Variants in AUTS2 observed in about 807,000 individuals in gnomAD.
AUTS2 encodes activator of transcription and developmental regulator AUTS2.
AUTS2 carries 17 observed loss-of-function variants against 112.4 expected under a neutral mutation model. That is an observed-to-expected ratio of 0.15 (90% confidence interval 0.10 to 0.23). The LOEUF is 0.23. Among genes scored for constraint, AUTS2 ranks in the 10% least tolerant of loss-of-function variants. The pLI, the probability that AUTS2 is intolerant of heterozygous loss-of-function variation, is 1.00. For missense variants in AUTS2, 1,510 were observed against 1,701.6 expected, an observed-to-expected ratio of 0.89 and a Z score of 1.98; for synonymous variants, 751 against 702.7, an observed-to-expected ratio of 1.07 and a Z score of -1.09.
chr7:69,725,204 A>C (rs1364182489), intron 1 of AUTS2, among the ~76,000 whole-genome samples: 1 of 152,130 alleles, frequency 6.6e-6, no homozygotes, highest in Non-Finnish European at 1.5e-5. Context: ...TTTATTTGAA[A>C]AATTAGCAGG....
At position 69,762,293 on chromosome 7, in the gene AUTS2, CTTTTTTTTTTTTTT is replaced by C. The variant is rs534032498; in HGVS notation, c.310-136975_310-136962del. On this transcript the variant is annotated intron_variant, in intron 1 of 18. Coordinates refer to ENST00000342771, the MANE Select transcript of AUTS2 (RefSeq NM_015570.4). Reference sequence around the variant, plus strand: ...TTCCCAAACATTTTAGCCAAGTTGTCTTTTTTTTTTTTTTTTTTTTTTTTTTTTTTTGAGATGGG... The same window carrying C: ...TTCCCAAACATTTTAGCCAAGTTGTCTTTTTTTTTTTTTTTTTGAGATGGG... Among the ~76,000 whole-genome samples the C allele has an allele frequency of 3.3e-3, 202 of 61,606 alleles. 2 individuals are homozygous for C. The highest frequency in any genetic ancestry group is 8.0e-3 in the Admixed American group (28 of 3,494). The allele number at this position is 61,606 out of a possible 152,430, so 40.4% of individuals were successfully genotyped here.
chr7:70,359,142 G>A (rs1792141671), intron 4 of AUTS2, among the ~76,000 whole-genome samples: 1 of 152,204 alleles, frequency 6.6e-6, no homozygotes, highest in African/African-American at 2.4e-5. Flanking sequence ...AATTAGGAAT[G>A]TTTTCAATTT....
chr7:70,561,667 A>C (rs1313568216), intron 5 of AUTS2, among the ~76,000 whole-genome samples: 1 of 152,128 alleles, frequency 6.6e-6, no homozygotes, highest in Non-Finnish European at 1.5e-5. Context: ...GCTTTACGTT[A>C]GGTTGATAAG....
Position 70,791,111 on chromosome 7 carries a change from T to G in AUTS2, c.*115T>G. 1 of 1,076,608 alleles carries G rather than the reference T, an allele frequency of 9.3e-7. No homozygotes were observed. Among genetic ancestry groups the G allele is most frequent in the Non-Finnish European group, 1.2e-6 (1 of 823,520 alleles). The allele number at this position is 1,076,608 out of a possible 1,614,324, so 66.7% of individuals were successfully genotyped here. A position where few individuals can be genotyped will look rare whatever the true frequency, so the allele number is the denominator to read the frequency against. The stretch of plus-strand genomic sequence containing the variant: ...AGACTGGGGGGGAAAGCCCCACCCC[T>G]TCCCCTTGTAAAAAATGTATAGACT... On this transcript the variant is annotated 3_prime_UTR_variant, in exon 19 of 19. Transcript: ENST00000342771.
intron 1 of AUTS2, among the ~76,000 whole-genome samples, chr7:69,837,356 A>G (rs1254416355): frequency 6.6e-6 from 1 of 152,054 alleles, no homozygotes; most frequent in East Asian, 1.9e-4. Context: ...ATGCTCAGAG[A>G]GGTTAATTTG....
chr7:70,310,129 A>G (rs929645107), intron 4 of AUTS2, among the ~76,000 whole-genome samples: 1 of 149,836 alleles, frequency 6.7e-6, no homozygotes, highest in African/African-American at 2.5e-5. Flanking sequence ...AAAACAAACT[A>G]AATCTTTTTT....
At chr7:69,612,936 T>C (rs1793125568) in intron 1 of AUTS2, among the ~76,000 whole-genome samples, 1 of 152,228 alleles carries the variant, frequency 6.6e-6, no homozygotes, top group South Asian at 2.1e-4. Flanking sequence ...AACAATTCCA[T>C]GAAAAGAAAT....
chr7:69,749,350 T>C (rs62457235), intron 1 of AUTS2, among the ~76,000 whole-genome samples: 1 of 152,174 alleles, frequency 6.6e-6, no homozygotes, highest in Non-Finnish European at 1.5e-5. Context: ...CCACAGTCAG[T>C]TTTAGAAAAT....
intron 1 of AUTS2, among the ~76,000 whole-genome samples, chr7:69,760,775 G>T (rs558246943): frequency 6.6e-6 from 1 of 152,136 alleles, no homozygotes; most frequent in Non-Finnish European, 1.5e-5. Flanking sequence ...AGCCGAGATC[G>T]TGCCACTGCA....
chr7:70,687,341 A>C (rs998099800), intron 5 of AUTS2, among the ~76,000 whole-genome samples: 1 of 152,240 alleles, frequency 6.6e-6, no homozygotes, highest in Admixed American at 6.5e-5. Flanking sequence ...AGATACCTAC[A>C]GCCAATTGGG....
chr7:70,170,958 A>G (rs1252965421), intron 4 of AUTS2, among the ~76,000 whole-genome samples: 1 of 152,170 alleles, frequency 6.6e-6, no homozygotes, highest in Non-Finnish European at 1.5e-5. Context: ...CACGTTGAAT[A>G]GATCTAAATG....
chr7:70,462,106 T>C (rs1431819874), intron 5 of AUTS2, among the ~76,000 whole-genome samples: 2 of 151,798 alleles, frequency 1.3e-5, no homozygotes, highest in Non-Finnish European at 2.9e-5. Flanking sequence ...ACAAAAATTA[T>C]CCAGGTGTGG....
At chr7:70,478,530 C>G (rs1303700087) in intron 5 of AUTS2, among the ~76,000 whole-genome samples, 1 of 152,128 alleles carries the variant, frequency 6.6e-6, no homozygotes, top group African/African-American at 2.4e-5. Flanking sequence ...AAGTAGTTCC[C>G]TCTCTCTCTT....
At chr7:69,717,232 C>T (rs1261154822) in intron 1 of AUTS2, among the ~76,000 whole-genome samples, 1 of 152,094 alleles carries the variant, frequency 6.6e-6, no homozygotes, top group Non-Finnish European at 1.5e-5. Context: ...CAACAAGAGC[C>T]GCCTGCATGG....
chr7:70,520,603 A>G (rs144191394), intron 5 of AUTS2, among the ~76,000 whole-genome samples: 272 of 152,306 alleles, frequency 1.8e-3, no homozygotes, highest in African/African-American at 6.2e-3. Flanking sequence ...TCCAGCCAAT[A>G]AAAAATACCC....
intron 1 of AUTS2, among the ~76,000 whole-genome samples, chr7:69,671,119 C>G (rs1266284941): frequency 6.6e-6 from 1 of 152,156 alleles, no homozygotes; most frequent in Admixed American, 6.5e-5. Context: ...GAGTTAAACT[C>G]TAGAGTATAA....
At position 70,619,564 on chromosome 7, in the gene AUTS2, TA is replaced by T. The variant is rs10658629; in HGVS notation, c.691-78993del. The stretch of plus-strand genomic sequence containing the variant: ...TAATTAGAAGTGCTGGTCAAGGTAT[TA>T]AAAAAAAAAAACAGCCAAAGGGGAG... On this transcript the variant is annotated intron_variant, in intron 5 of 18. Transcript: ENST00000342771. 9.0e-3 allele frequency among the ~76,000 whole-genome samples: 1,328 copies of T among 146,856 alleles called. 18 individuals are homozygous for T. The highest frequency in any genetic ancestry group is 0.057 in the East Asian group (285 of 4,968).
chr7:70,164,788 G>A (rs1808295070), intron 4 of AUTS2, among the ~76,000 whole-genome samples: 1 of 151,774 alleles, frequency 6.6e-6, no homozygotes, highest in Admixed American at 6.6e-5. Context: ...ATTTACCTGA[G>A]TTTCTTTTAT....
chr7:70,697,041 A>G (rs1809153377), intron 5 of AUTS2, among the ~76,000 whole-genome samples: 2 of 152,222 alleles, frequency 1.3e-5, no homozygotes, highest in African/African-American at 2.4e-5. Context: ...TAGAAATCTC[A>G]CTTAATATTT....
Sources: allele counts gnomAD v4.1 joint callset (sites outside exome capture counted in the v4.1 genomes callset), GRCh38; gene constraint gnomAD v4.1.1; transcripts MANE v1.5; gene names NCBI Gene and HGNC (gene_info 2026-07-23, HGNC 2026-07-21).